Variants in SORCS1 observed in about 807,000 individuals in gnomAD.
The protein encoded by SORCS1 is sortilin related VPS10 domain containing receptor 1.
In SORCS1, 60 loss-of-function variants were observed where a neutral mutation model predicts 146.1. The ratio of observed to expected loss-of-function variants is 0.41; its 90% CI spans 0.33 to 0.51. SORCS1 has a LOEUF of 0.51. SORCS1 is among the 20% of genes least tolerant of loss of function. SORCS1 has a pLI of 0.21. For missense variants in SORCS1, 1,352 were observed against 1,487.6 expected (o/e 0.91, Z 1.50); for synonymous variants, 637 against 584.0 (o/e 1.09, Z -1.31).
intron 1 of SORCS1, among the ~76,000 whole-genome samples, chr10:107,142,763 G>T (rs573603867): frequency 2.0e-5 from 3 of 152,220 alleles, no homozygotes; most frequent in African/African-American, 7.2e-5. Flanking sequence ...CACTGACAGG[G>T]TTATGGAACA....
intron 3 of SORCS1, among the ~76,000 whole-genome samples, chr10:106,825,552 G>C (rs1392705015): frequency 6.6e-6 from 1 of 151,872 alleles, no homozygotes; most frequent in Non-Finnish European, 1.5e-5. Flanking sequence ...GATTACAGGC[G>C]TGAGCCACTG....
chr10:107,044,633 C>A (rs1203882846), intron 1 of SORCS1, among the ~76,000 whole-genome samples: 1 of 150,772 alleles, frequency 6.6e-6, no homozygotes, highest in East Asian at 1.9e-4. Context: ...ACCAGCCTGG[C>A]CAATATGGTG....
chr10:106,594,855 AAGT>A (rs1162377527), intron 24 of SORCS1, among the ~76,000 whole-genome samples: 2 of 152,254 alleles, frequency 1.3e-5, no homozygotes, highest in African/African-American at 4.8e-5. Context: ...CAAAGGGAAC[AAGT>A]AGTGGCTGAT....
intron 11 of SORCS1, 136 bp from the exon 12 acceptor site, chr10:106,679,468 T>C (rs1852279100): frequency 2.1e-6 from 2 of 950,082 alleles, no homozygotes; most frequent in East Asian, 5.2e-5. Context: ...GCAGACTTGC[T>C]TCAGGTCCAA....
chr10:106,952,695 A>G (rs1954747800), intron 2 of SORCS1, among the ~76,000 whole-genome samples: 1 of 151,324 alleles, frequency 6.6e-6, no homozygotes, highest in Admixed American at 6.6e-5. Context: ...TACTAAAATG[A>G]CCAGGCGTGG....
chr10:106,696,125 T>C (rs941672958), intron 9 of SORCS1, among the ~76,000 whole-genome samples: 1 of 117,834 alleles, frequency 8.5e-6, no homozygotes, highest in African/African-American at 2.7e-5. Context: ...GAATAGCACA[T>C]AATTGGCATG....
intron 19 of SORCS1, among the ~76,000 whole-genome samples, chr10:106,624,985 G>A (rs2133540877): frequency 6.6e-6 from 1 of 152,358 alleles, no homozygotes; most frequent in Middle Eastern, 3.4e-3. Context: ...TAAGTAGGAT[G>A]CTGAACTGGC....
intron 2 of SORCS1, among the ~76,000 whole-genome samples, chr10:106,852,863 T>C (rs866925425): frequency 6.6e-6 from 1 of 152,166 alleles, no homozygotes; most frequent in Non-Finnish European, 1.5e-5. Context: ...CACAATTCTT[T>C]TCAAACATTA....
At chr10:106,984,548 C>T (rs563706756) in intron 1 of SORCS1, among the ~76,000 whole-genome samples, 1 of 151,938 alleles carries the variant, frequency 6.6e-6, no homozygotes, top group East Asian at 2.0e-4. Flanking sequence ...TGCCCTCCAC[C>T]ACGCCCAGCT....
intron 1 of SORCS1, among the ~76,000 whole-genome samples, chr10:107,022,041 A>G (rs751034636): frequency 1.3e-5 from 2 of 152,186 alleles, no homozygotes; most frequent in African/African-American, 2.4e-5. Context: ...CATTTGAGTT[A>G]TCTTTCCATG....
intron 1 of SORCS1, among the ~76,000 whole-genome samples, chr10:107,015,475 T>C (rs1036599443): frequency 5.3e-5 from 8 of 152,122 alleles, no homozygotes. Flanking sequence ...GGGAAAAGCA[T>C]TTAAGGCAGC....
At chr10:106,644,072 T>C (rs754516255) in intron 18 of SORCS1, among the ~76,000 whole-genome samples, 10 of 152,218 alleles carry the variant, frequency 6.6e-5, no homozygotes, top group Admixed American at 2.6e-4. Context: ...GCCCTAAGCA[T>C]ACCAGAAAGG....
At chr10:107,072,743 A>T (rs1056363598) in intron 1 of SORCS1, among the ~76,000 whole-genome samples, 9 of 132,046 alleles carry the variant, frequency 6.8e-5, no homozygotes, top group Admixed American at 4.3e-4. Context: ...AAAATAAATT[A>T]AAAAAGAAAA....
At chr10:106,753,112 C>T (rs113893526) in intron 5 of SORCS1, among the ~76,000 whole-genome samples, 76 of 150,510 alleles carry the variant, frequency 5.0e-4, no homozygotes, top group African/African-American at 1.7e-3. Flanking sequence ...AATATATTAT[C>T]GGTATATCTG....
intron 4 of SORCS1, among the ~76,000 whole-genome samples, chr10:106,771,549 T>C (rs1860023708): frequency 6.6e-6 from 1 of 152,202 alleles, no homozygotes; most frequent in Admixed American, 6.5e-5. Flanking sequence ...ATGGGTAGAA[T>C]GCTTGGTTTG....
intron 2 of SORCS1, among the ~76,000 whole-genome samples, chr10:106,935,722 A>C (rs990144199): frequency 6.6e-6 from 1 of 152,242 alleles, no homozygotes; most frequent in Non-Finnish European, 1.5e-5. Flanking sequence ...AATTTGCCCA[A>C]GATCACACAA....
At chr10:106,670,640 A>C (rs1054443753) in intron 16 of SORCS1, among the ~76,000 whole-genome samples, 1 of 152,080 alleles carries the variant, frequency 6.6e-6, no homozygotes, top group African/African-American at 2.4e-5. Flanking sequence ...CTCCCTAAAA[A>C]GTCCACTTAG....
chr10:106,617,017 C>T (rs907888190), intron 21 of SORCS1, among the ~76,000 whole-genome samples: 21 of 150,496 alleles, frequency 1.4e-4, no homozygotes, highest in African/African-American at 4.7e-4. Context: ...TGCAATGGCG[C>T]GATCTTGGTT....
chr10:107,158,816 G>A (rs918702269), intron 1 of SORCS1, among the ~76,000 whole-genome samples: 1 of 152,064 alleles, frequency 6.6e-6, no homozygotes, highest in Admixed American at 6.6e-5. Flanking sequence ...TCCTAAATGG[G>A]AGCAATTATT....
Sources: gnomAD v4.1 joint callset for allele counts (sites outside exome capture counted in the v4.1 genomes callset) on GRCh38, gnomAD v4.1.1 for gene constraint, MANE v1.5 for transcripts, NCBI Gene and HGNC (gene_info 2026-07-23, HGNC 2026-07-21) for gene names.